The following INTS6L variants were observed in gnomAD, a reference collection of about 807,000 sequenced individuals.
The protein encoded by INTS6L is integrator complex subunit 6 like.
INTS6L carries 18 observed loss-of-function variants against 64.7 expected under a neutral mutation model. That is an observed-to-expected ratio of 0.28 (90% CI 0.19 to 0.41). The LOEUF (loss-of-function observed/expected upper bound fraction) is 0.41. INTS6L is among the 10% of genes least tolerant of loss of function. The pLI, the probability that INTS6L is intolerant of heterozygous loss-of-function variation, is 1.00. For synonymous variants in INTS6L, 227 were observed against 235.9 expected, an observed-to-expected ratio of 0.96 and a Z score of 0.34; for missense variants, 533 against 661.0, an observed-to-expected ratio of 0.81 and a Z score of 2.12.
At chrX:135,523,458 C>CCA in intron 2 of INTS6L, among the ~76,000 whole-genome samples, 1 of 104,907 alleles carries the variant, frequency 9.5e-6, no homozygotes, top group Non-Finnish European at 1.9e-5. Flanking sequence ...TTTCCATATG[C>CCA]CAAGAAGGAT....
Position 135,547,166 on chromosome X carries a change from A to G in INTS6L, c.643A>G (p.Met215Val). The change falls in exon 6 of 18, where the codon ATG becomes GTG. Residue 215 changes from methionine (M) to valine (V), a missense_variant. By Grantham distance (21) the Met-to-Val change is conservative (BLOSUM62 1). Transcript: ENST00000639893. ...GRSYCVRTQRMLNQCLESLVQ... is the reference protein window; with the variant it reads ...GRSYCVRTQRVLNQCLESLVQ... ...CTCCTACTGTGTGAGAACACAAAGA[A>G]TGTTGAATCAATGTTTAGAATCTCT... 1.7e-6 allele frequency: 2 copies of G among 1,210,358 alleles called. No individual in the cohort carries two copies. The highest frequency in any genetic ancestry group is 2.2e-6 in the Non-Finnish European group (2 of 894,666).
rs1006348186 is a variant in INTS6L at position 135,531,889 on chromosome X, G to T, written c.189+10571G>T. On this transcript the variant is annotated intron_variant, in intron 2 of 17. Coordinates refer to ENST00000639893, the MANE Select transcript of INTS6L (RefSeq NM_001351601.3). The stretch of plus-strand genomic sequence containing the variant: ...GTTAACCAAAGGAAGAAGAGATACA[G>T]AGCCAGGAGAGCTGAAGGCCTGGGG... Among the ~76,000 whole-genome samples the T allele has an allele frequency of 2.7e-5, 3 of 111,853 alleles. No individual in the cohort carries two copies. In the South Asian group the frequency reaches 1.1e-3, roughly 41 times the overall value.
chrX:135,549,937 C>A (rs2148621732), intron 7 of INTS6L, 132 bp downstream of exon 7: 1 of 691,562 alleles, frequency 1.4e-6, no homozygotes, highest in South Asian at 2.9e-5. Context: ...CCTTTGCCTT[C>A]TATCTCTTAC....
At chrX:135,560,120 T>C (rs1410527315) in intron 9 of INTS6L, among the ~76,000 whole-genome samples, 1 of 112,677 alleles carries the variant, frequency 8.9e-6, no homozygotes, top group African/African-American at 3.2e-5. Context: ...AGTTTTCCAC[T>C]TACAAATACG....
In INTS6L at chrX:135,520,724, T is replaced by G; in HGVS notation, c.-269T>G. On this transcript the variant is annotated 5_prime_UTR_variant, in exon 1 of 18. Transcript: ENST00000639893. ...TAGGCAGTAGTCCTGGCAGCGGCAG[T>G]AGTGGTGGCAGCAGAAGAGAGGAAG... 1 of 347,124 alleles carries G rather than the reference T, an allele frequency of 2.9e-6. No homozygotes were observed. Among genetic ancestry groups the G allele is most frequent in the Non-Finnish European group, 5.1e-6 (1 of 197,725 alleles). 28.6% of individuals were successfully genotyped at this position (347,124 alleles called of 1,213,427 possible).
intron 11 of INTS6L, chrX:135,571,026 G>C (rs2087078262): frequency 8.8e-6 from 1 of 113,807 alleles, no homozygotes; most frequent in Non-Finnish European, 1.8e-5. Context: ...CTGGAGAGTG[G>C]GGAGATGAGA....
intron 2 of INTS6L, among the ~76,000 whole-genome samples, chrX:135,527,678 G>T (rs1424434946): frequency 2.7e-5 from 3 of 111,989 alleles, no homozygotes; most frequent in Non-Finnish European, 5.6e-5. Flanking sequence ...AGAGAAATAG[G>T]ACAAAGCTTG....
intron 15 of INTS6L, among the ~76,000 whole-genome samples, chrX:135,578,844 C>T (rs1314077526): frequency 1.8e-5 from 2 of 111,613 alleles, no homozygotes; most frequent in East Asian, 5.6e-4. Flanking sequence ...TACTCTCTAA[C>T]CCTGTGGCCA....
chrX:135,576,263 G>C (rs1411370368), intron 14 of INTS6L, among the ~76,000 whole-genome samples: 1 of 101,507 alleles, frequency 9.9e-6, no homozygotes, highest in African/African-American at 3.6e-5. Flanking sequence ...GGGAGGCGGA[G>C]ATTGCAGTGA....
chrX:135,575,366 GGGAGCC>G, intron 14 of INTS6L, 140 bp downstream of exon 14: 7 of 751,331 alleles, frequency 9.3e-6, no homozygotes, highest in Non-Finnish European at 1.3e-5. Context: ...GGCTCTTAGT[GGGAGCC>G]TCCTGATGCA....
intron 2 of INTS6L, among the ~76,000 whole-genome samples, chrX:135,541,542 T>C (rs1322727941): frequency 2.7e-5 from 3 of 112,187 alleles, no homozygotes; most frequent in African/African-American, 6.5e-5. Context: ...TAAAAGCCAC[T>C]GTATCAGATA....
chrX:135,551,108 G>A (rs1273043704), intron 7 of INTS6L, among the ~76,000 whole-genome samples: 1 of 112,010 alleles, frequency 8.9e-6, no homozygotes, highest in East Asian at 2.8e-4. Context: ...AAACTATAAA[G>A]GCAAGTGAAT....
intron 2 of INTS6L, among the ~76,000 whole-genome samples, chrX:135,528,963 G>A (rs1219030647): frequency 1.9e-5 from 2 of 106,669 alleles, no homozygotes; most frequent in Non-Finnish European, 3.8e-5. Flanking sequence ...TGCCTGTGGG[G>A]CAAAATATGA....
At position 135,574,082 on chromosome X, in the gene INTS6L, C is replaced by CTTT. The variant is rs781864864; in HGVS notation, c.1741+33_1741+35dup. ...ATGAAGGTAAAATAACTGTGAAATACTTTTTTTTTTTTTTTGGAAAATGCC... is the reference window on the plus strand; with the variant it reads ...ATGAAGGTAAAATAACTGTGAAATACTTTTTTTTTTTTTTTTTTGGAAAATGCC... On this transcript the variant is annotated intron_variant, in intron 13 of 17. Coordinates refer to ENST00000639893, the MANE Select transcript of INTS6L (RefSeq NM_001351601.3). 1.4e-5 allele frequency: 15 copies of CTTT among 1,044,180 alleles called. No homozygotes were observed. The highest frequency in any genetic ancestry group is 6.7e-5 in the East Asian group (2 of 29,730). 86.1% of individuals were successfully genotyped at this position (1,044,180 alleles called of 1,213,427 possible). A position where few individuals can be genotyped will look rare whatever the true frequency, so the allele number is the denominator to read the frequency against.
intron 5 of INTS6L, 122 bp from the exon 6 acceptor site, chrX:135,547,015 T>C (rs1451648245): frequency 7.3e-6 from 8 of 1,100,339 alleles, no homozygotes; most frequent in Non-Finnish European, 9.8e-6. Flanking sequence ...AGGTCATCAT[T>C]GGTATATTTG....
chrX:135,563,619 A>ATGTGTGTGTG (rs1186644920), intron 9 of INTS6L, among the ~76,000 whole-genome samples: 10 of 12,263 alleles, frequency 8.2e-4, no homozygotes, highest in African/African-American at 1.5e-3. Context: ...ATATATCCAT[A>ATGTGTGTGTG]TGTGTGTGTG....
Position 135,552,120 on chromosome X carries a change from C to A in INTS6L, c.1033C>A (p.Arg345=), listed in dbSNP as rs1459173298. 1 of 1,201,464 alleles carries A rather than the reference C, an allele frequency of 8.3e-7. No homozygotes were observed. The highest frequency in any genetic ancestry group is 1.1e-6 in the Non-Finnish European group (1 of 892,159). Residue 345 remains arginine (R), a synonymous_variant, in exon 8 of 18, where the codon CGA becomes AGA. Transcript: ENST00000639893. The part of the protein sequence containing the change: ...PSPLTQYILE[R]KSPHTCWQVF... ...GCCCTTAACTCAGTATATCTTGGAA[C>A]GAAAGTCTCCCCATACCTGCTGGCA...
rs199698623 is a variant in INTS6L, at chrX:135,574,339, A to G, written c.1741+277A>G. On this transcript the variant is annotated intron_variant, in intron 13 of 17. Transcript: ENST00000639893. Reference sequence around the variant, plus strand: ...GAAATAGATACTGTTTTTATGTCCAATTCATGGACATGGAAACTGAGAGTG... The same window carrying G: ...GAAATAGATACTGTTTTTATGTCCAGTTCATGGACATGGAAACTGAGAGTG... Among the ~76,000 whole-genome samples the G allele has an allele frequency of 3.6e-5, 4 of 110,939 alleles. No homozygotes were observed. In the East Asian group the frequency reaches 1.1e-3, roughly 31 times the overall value.
At chrX:135,569,901 A>G (rs1021130396) in intron 10 of INTS6L, 1 of 113,954 alleles carries the variant, frequency 8.8e-6, no homozygotes, top group Non-Finnish European at 1.8e-5. Flanking sequence ...GGCGGAATCC[A>G]AAAAAATTCA....
Sources: gnomAD v4.1 joint callset for allele counts (sites outside exome capture counted in the v4.1 genomes callset) on GRCh38, gnomAD v4.1.1 for gene constraint, MANE v1.5 for transcripts, NCBI Gene and HGNC (gene_info 2026-07-23, HGNC 2026-07-21) for gene names.